The following AP3B2 variants were observed in gnomAD, a reference collection of about 807,000 sequenced individuals.
AP3B2 encodes the protein AP-3 complex subunit beta-2.
AP3B2 carries 50 observed loss-of-function variants against 126.9 expected under a neutral mutation model. The observed-to-expected ratio is 0.39, with a 90% CI of 0.31 to 0.50. The LOEUF (loss-of-function observed/expected upper bound fraction) is 0.50. Among genes scored for constraint, AP3B2 ranks in the 20% least tolerant of loss-of-function variants. The pLI is 0.79. For missense variants in AP3B2, 1,177 were observed against 1,426.4 expected, an observed-to-expected ratio of 0.83 and a Z score of 2.82; for synonymous variants, 541 against 565.0, an observed-to-expected ratio of 0.96 and a Z score of 0.60.
At chr15:82,690,490 G>T (rs1008290896) in intron 1 of AP3B2, among the ~76,000 whole-genome samples, 1 of 151,812 alleles carries the variant, frequency 6.6e-6, no homozygotes, top group African/African-American at 2.4e-5. Context: ...ACCTATGAGT[G>T]AGAACCTGCA....
intron 4 of AP3B2, among the ~76,000 whole-genome samples, chr15:82,682,212 C>T (rs978037459): frequency 1.3e-5 from 2 of 151,868 alleles, no homozygotes; most frequent in Admixed American, 6.6e-5. Context: ...CCACCACACC[C>T]AGCTAATTTT....
Position 82,664,071 on chromosome 15 carries a change from G to A in AP3B2, c.2262-96C>T. On this transcript the variant is annotated intron_variant, in intron 19 of 26. Transcript: ENST00000535359. This position sits in a 1 kb window ranked among gnomAD's most constrained non-coding sequence, Gnocchi z 4.5. ...AATGCTGAAAAGCTGGAGTGGTGTG[G>A]GGAGCCTGAGCCAGGAGGGTTCACA... 6.8e-7 allele frequency: 1 copy of A among 1,481,336 alleles called. No homozygotes were observed. The highest frequency in any genetic ancestry group is 2.2e-5 in the Admixed American group (1 of 44,730). The allele number at this position is 1,481,336 out of a possible 1,614,324, so 91.8% of individuals were successfully genotyped here.
intron 1 of AP3B2, among the ~76,000 whole-genome samples, chr15:82,690,808 C>T (rs2048517586): frequency 6.6e-6 from 1 of 151,948 alleles, no homozygotes. Context: ...TACCCGCCAC[C>T]ACCACGCCCA....
intron 1 of AP3B2, among the ~76,000 whole-genome samples, chr15:82,704,017 G>GA (rs2048759410): frequency 6.6e-6 from 1 of 152,072 alleles, no homozygotes; most frequent in Non-Finnish European, 1.5e-5. Flanking sequence ...TCTGCGACTA[G>GA]CCCTCCCCAA....
intron 13 of AP3B2, 77 bp downstream of exon 13, chr15:82,677,197 A>G: frequency 1.6e-6 from 2 of 1,218,618 alleles, no homozygotes; most frequent in Admixed American, 3.9e-5. Context: ...TGATAAGGCT[A>G]GCATATGTAA....
At chr15:82,685,875 C>G (rs566465740) in intron 4 of AP3B2, 11 of 152,096 alleles carry the variant, frequency 7.2e-5, no homozygotes, top group Non-Finnish European at 1.3e-4. Context: ...CACCCACAAC[C>G]CTTTGCACAT....
chr15:82,686,810 C>G (rs887259453), intron 4 of AP3B2: 1 of 151,968 alleles, frequency 6.6e-6, no homozygotes, highest in Admixed American at 6.6e-5. Context: ...CAACCTCTGC[C>G]TCCCGGGTTC....
rs1469023484 is a variant in AP3B2, at chr15:82,663,550, C to T, written c.2497+10G>A. 2 of 1,613,368 alleles carry T rather than the reference C, an allele frequency of 1.2e-6. No individual in the cohort carries two copies. The highest frequency in any genetic ancestry group is 2.2e-5 in the East Asian group (1 of 44,868). On this transcript the variant is annotated intron_variant, in intron 21 of 26. Transcript: ENST00000535359. ...TCCTTTCCCCTGTGACTTTTACCAC[C>T]CAAACTCACAATCCTCTAGATCAAG...
intron 14 of AP3B2, among the ~76,000 whole-genome samples, chr15:82,672,241 C>T (rs545275897): frequency 2.4e-4 from 36 of 152,078 alleles, no homozygotes; most frequent in Middle Eastern, 3.4e-3. Context: ...AAAGAAAATA[C>T]GGTACATATG....
rs188389123 is a variant in AP3B2 at position 82,668,985 on chromosome 15, C to T, written c.1666-2052G>A. Among the ~76,000 whole-genome samples, 178 of 152,348 alleles carry T rather than the reference C, an allele frequency of 1.2e-3. 1 individual carries two copies. Among genetic ancestry groups the T allele is most frequent in the East Asian group, 0.011 (59 of 5,186 alleles). ...GTTAAAAAAAATTGAAATATATCCTCAATTCACACATTACACATGAGTAAG... is the reference window on the plus strand; with the variant it reads ...GTTAAAAAAAATTGAAATATATCCTTAATTCACACATTACACATGAGTAAG... On this transcript the variant is annotated intron_variant, in intron 14 of 26. Transcript: ENST00000535359.
chr15:82,673,785 T>TA (rs559504244), intron 14 of AP3B2, among the ~76,000 whole-genome samples: 1 of 152,280 alleles, frequency 6.6e-6, no homozygotes, highest in Non-Finnish European at 1.5e-5. Flanking sequence ...TTTAGCATAT[T>TA]AAAAAAAGTT....
chr15:82,692,075 G>A, intron 1 of AP3B2: 1 of 1,492,500 alleles, frequency 6.7e-7, no homozygotes, highest in Non-Finnish European at 9.3e-7. Flanking sequence ...CTTGCAGAAG[G>A]CCCATTCCTC....
intron 14 of AP3B2, among the ~76,000 whole-genome samples, 164 bp from the exon 15 acceptor site, chr15:82,667,097 C>T (rs2048071923): frequency 1.3e-5 from 2 of 152,168 alleles, no homozygotes; most frequent in Admixed American, 1.3e-4. Flanking sequence ...TTGTTCTGGG[C>T]TCAGAATTTT....
chr15:82,669,963 T>C (rs1318032910), intron 14 of AP3B2, among the ~76,000 whole-genome samples: 1 of 114,772 alleles, frequency 8.7e-6, no homozygotes, highest in Non-Finnish European at 1.6e-5. Context: ...ATCGCGTCAC[T>C]GCAGTCCAGA....
At chr15:82,660,060 A>G in intron 25 of AP3B2, 77 bp from the exon 26 acceptor site, 1 of 1,529,590 alleles carries the variant, frequency 6.5e-7, no homozygotes, top group Non-Finnish European at 8.9e-7. Flanking sequence ...TTACTGAGCA[A>G]CAAGTTCTCC....
rs1567266405 is a variant in AP3B2 at position 82,681,298 on chromosome 15, C to G, written c.522-120G>C. 1 of 1,521,246 alleles carries G rather than the reference C, an allele frequency of 6.6e-7. No individual in the cohort carries two copies. Among genetic ancestry groups the G allele is most frequent in the Non-Finnish European group, 8.9e-7 (1 of 1,119,224 alleles). 94.2% of individuals were successfully genotyped at this position (1,521,246 alleles called of 1,614,324 possible). On this transcript the variant is annotated intron_variant, in intron 5 of 26. Transcript: ENST00000535359. The surrounding 1 kb of genome is among the most constrained non-coding windows in gnomAD (Gnocchi z 4.0). ...ATTGTTCTCCTCCATCTCTGTCAGTCCCCCAAACTACCCTCCTCAAACCCT... is the reference window on the plus strand; with the variant it reads ...ATTGTTCTCCTCCATCTCTGTCAGTGCCCCAAACTACCCTCCTCAAACCCT...
intron 1 of AP3B2, among the ~76,000 whole-genome samples, chr15:82,703,842 T>C (rs2048757293): frequency 1.3e-5 from 2 of 152,112 alleles, no homozygotes; most frequent in Non-Finnish European, 2.9e-5. Context: ...CCAATCTTCC[T>C]TTTCTACCGA....
intron 4 of AP3B2, among the ~76,000 whole-genome samples, chr15:82,682,700 A>AACAGAGTG (rs2048361060): frequency 1.3e-5 from 2 of 152,126 alleles, no homozygotes; most frequent in South Asian, 4.2e-4. Flanking sequence ...CAGACTGAGC[A>AACAGAGTG]ACAGAGTGAG....
intron 23 of AP3B2, 37 bp from the exon 24 acceptor site, chr15:82,662,289 G>A: frequency 2.0e-6 from 3 of 1,489,842 alleles, no homozygotes; most frequent in Middle Eastern, 1.7e-4. Context: ...GAGAGGGAGG[G>A]CCACCATCAC....
Sources: gnomAD v4.1 joint callset for allele counts (sites outside exome capture counted in the v4.1 genomes callset) on GRCh38, gnomAD v4.1.1 for gene constraint, Gnocchi (gnomAD v3.1) non-coding constraint, MANE v1.5 for transcripts, NCBI Gene and HGNC (gene_info 2026-07-23, HGNC 2026-07-21) for gene names.